The following SIMC1 variants were observed in gnomAD, a reference collection of about 807,000 sequenced individuals.
SIMC1 encodes SUMO interacting motifs containing 1.
In SIMC1, 55 loss-of-function variants were observed where a neutral mutation model predicts 82.3. That is an observed-to-expected ratio of 0.67 (90% CI 0.54 to 0.84). The LOEUF (loss-of-function observed/expected upper bound fraction) is 0.84. Ranked by LOEUF, SIMC1 falls within the 40% of genes least tolerant of loss-of-function variation. The pLI is 0.00. For synonymous variants in SIMC1, 353 were observed against 426.3 expected, an observed-to-expected ratio of 0.83 and a Z score of 2.12; for missense variants, 915 against 1,107.2, an observed-to-expected ratio of 0.83 and a Z score of 2.46.
chr5:176,251,822 G>A (rs1761665833), intron 1 of SIMC1, among the ~76,000 whole-genome samples: 1 of 150,392 alleles, frequency 6.6e-6, no homozygotes, highest in African/African-American at 2.5e-5. Flanking sequence ...GTTTAACAAA[G>A]CACATCTTGC....
intron 1 of SIMC1, among the ~76,000 whole-genome samples, chr5:176,282,161 G>A (rs1409294453): frequency 6.6e-6 from 1 of 152,370 alleles, no homozygotes; most frequent in African/African-American, 2.4e-5. Context: ...CAGCCTCGCT[G>A]CCGCCTTGCA....
chr5:176,246,553 T>C (rs1358556110), intron 1 of SIMC1, among the ~76,000 whole-genome samples: 1 of 151,658 alleles, frequency 6.6e-6, no homozygotes, highest in African/African-American at 2.4e-5. Flanking sequence ...ATTCTCCCAC[T>C]CAGCCTCCCG....
At chr5:176,322,516 A>G (rs1765212043) in intron 6 of SIMC1, 91 bp downstream of exon 6, 20 of 1,378,432 alleles carry the variant, frequency 1.5e-5, no homozygotes, top group Non-Finnish European at 1.8e-5. Flanking sequence ...CTTCCCCCAA[A>G]TTAACAAGAT....
intron 5 of SIMC1, among the ~76,000 whole-genome samples, chr5:176,315,902 C>A (rs897587283): frequency 2.0e-5 from 3 of 152,154 alleles, no homozygotes; most frequent in Non-Finnish European, 4.4e-5. Flanking sequence ...TGGCCGGGTA[C>A]AGTGGCTCAC....
chr5:176,287,152 T>C (rs13354295), intron 1 of SIMC1, among the ~76,000 whole-genome samples: 68,773 of 151,990 alleles, frequency 0.45, 17,386 homozygotes, highest in Non-Finnish European at 0.57. Context: ...GGATTATAAA[T>C]CATGCTGCTG....
In SIMC1 at chr5:176,345,537, T is replaced by C. The variant is rs1345782742; in HGVS notation, c.*92T>C. 3 of 1,406,300 alleles carry C rather than the reference T, an allele frequency of 2.1e-6. No homozygotes were observed. Among genetic ancestry groups the C allele is most frequent in the Non-Finnish European group, 1.9e-6 (2 of 1,050,392 alleles). 87.1% of individuals were successfully genotyped at this position (1,406,300 alleles called of 1,614,324 possible). ...AAAAGCATGAAAAGTGGTTAAAATC[T>C]TACAGGACCAAACCTGCATTATTTA... On this transcript the variant is annotated 3_prime_UTR_variant, in exon 10 of 10. Transcript: ENST00000429602.
chr5:176,338,338 T>A (rs1459621520), intron 9 of SIMC1, among the ~76,000 whole-genome samples: 1 of 152,006 alleles, frequency 6.6e-6, no homozygotes, highest in African/African-American at 2.4e-5. Flanking sequence ...AGAAAAGAAG[T>A]CATAAATGGG....
At position 176,308,185 on chromosome 5, in the gene SIMC1, G is replaced by A. The variant is rs1379214141; in HGVS notation, c.1735-5506G>A. The A allele has an allele frequency of 5.1e-6, 7 of 1,385,414 alleles. No homozygotes were observed. The South Asian group carries it at 7.2e-5, about 14-fold the overall frequency. 85.8% of individuals were successfully genotyped at this position (1,385,414 alleles called of 1,614,324 possible). On this transcript the variant is annotated intron_variant, in intron 4 of 9. Transcript: ENST00000429602. The stretch of plus-strand genomic sequence containing the variant: ...AAGTGATGGGGCTGTGGATAGGGGA[G>A]TTGAACAATGATACAAGGAGTGACT...
intron 1 of SIMC1, among the ~76,000 whole-genome samples, chr5:176,246,226 G>A (rs966465711): frequency 1.1e-4 from 17 of 151,866 alleles, no homozygotes; most frequent in African/African-American, 4.1e-4. Context: ...TGGCCAGGCT[G>A]GTCTCAAACT....
chr5:176,250,828 C>T (rs954497134), intron 1 of SIMC1, among the ~76,000 whole-genome samples: 2 of 152,100 alleles, frequency 1.3e-5, no homozygotes, highest in South Asian at 2.1e-4. Context: ...TTTATTCCTC[C>T]ATCCCTTTAT....
intron 1 of SIMC1, among the ~76,000 whole-genome samples, chr5:176,262,263 A>G (rs1762039498): frequency 1.5e-5 from 2 of 136,714 alleles, no homozygotes; most frequent in Admixed American, 1.6e-4. Flanking sequence ...AAAGCATTTA[A>G]TACCCATTCA....
chr5:176,316,877 C>T (rs915168596), intron 5 of SIMC1, among the ~76,000 whole-genome samples: 1 of 152,040 alleles, frequency 6.6e-6, no homozygotes, highest in Non-Finnish European at 1.5e-5. Context: ...ATCCCAGCTA[C>T]TTGGGAGACT....
In SIMC1 at chr5:176,289,972, A is replaced by G. The variant is rs1554109515; in HGVS notation, c.448A>G (p.Ser150Gly). The change falls in exon 2 of 10, where the codon AGT (serine) becomes GGT (glycine). Residue 150 changes from serine (S) to glycine (G), a missense_variant. Coordinates refer to ENST00000429602, the MANE Select transcript of SIMC1 (RefSeq NM_001308195.2). ...FVGPPPATSI[S>G]GGSVYPTEPN... The stretch of plus-strand genomic sequence containing the variant: ...AGGTCCCCCACCCGCTACATCCATC[A>G]GTGGAGGCTCTGTTTATCCAACAGA... 1 of 1,613,740 alleles carries G rather than the reference A, an allele frequency of 6.2e-7. No individual in the cohort carries two copies. Among genetic ancestry groups the G allele is most frequent in the Non-Finnish European group, 8.5e-7 (1 of 1,179,786 alleles).
At chr5:176,298,482 A>G (rs1763913646) in intron 4 of SIMC1, among the ~76,000 whole-genome samples, 3 of 152,124 alleles carry the variant, frequency 2.0e-5, no homozygotes, top group South Asian at 4.1e-4. Context: ...AAAAATATAA[A>G]CATTAGCTGG....
chr5:176,328,314 T>C (rs144387569), intron 7 of SIMC1, among the ~76,000 whole-genome samples: 2,259 of 152,260 alleles, frequency 0.015, 21 homozygotes, highest in Non-Finnish European at 0.02. Context: ...TTCTGATCAT[T>C]TGTTTAAAAA....
chr5:176,325,513 G>A (rs1233411908), intron 7 of SIMC1, among the ~76,000 whole-genome samples: 6 of 151,880 alleles, frequency 4.0e-5, no homozygotes, highest in East Asian at 3.9e-4. Flanking sequence ...ATGAAACCCC[G>A]TCTCTACTAA....
intron 4 of SIMC1, among the ~76,000 whole-genome samples, chr5:176,305,613 C>T (rs1368456252): frequency 3.5e-5 from 5 of 143,178 alleles, no homozygotes; most frequent in African/African-American, 7.9e-5. Flanking sequence ...CCAACCCCCC[C>T]GTCTGGGAGG....
intron 4 of SIMC1, among the ~76,000 whole-genome samples, chr5:176,307,427 G>T (rs908428394): frequency 2.6e-5 from 4 of 152,182 alleles, no homozygotes; most frequent in Non-Finnish European, 5.9e-5. Context: ...TTGAGACAGA[G>T]TCTTGCTCTG....
chr5:176,335,271 A>ATG (rs1471183229), intron 7 of SIMC1, among the ~76,000 whole-genome samples: 7 of 89,950 alleles, frequency 7.8e-5, no homozygotes, highest in African/African-American at 1.6e-4. Context: ...CTTTCTTTGT[A>ATG]TCTTTTTTTT....
Sources: allele counts gnomAD v4.1 joint callset (sites outside exome capture counted in the v4.1 genomes callset), GRCh38; gene constraint gnomAD v4.1.1; transcripts MANE v1.5; gene names NCBI Gene and HGNC (gene_info 2026-07-23, HGNC 2026-07-21).